The following NALF1 variants were observed in gnomAD, a reference collection of about 807,000 sequenced individuals.
The protein encoded by NALF1 is family with sequence similarity 155 member A.
A neutral mutation model predicts 48.4 loss-of-function variants in NALF1; 3 were observed. The ratio of observed to expected loss-of-function variants is 0.06; its 90% CI spans 0.03 to 0.16. The LOEUF (loss-of-function observed/expected upper bound fraction) is 0.16. Ranked by LOEUF, NALF1 falls within the 10% of genes least tolerant of loss-of-function variation. The pLI, the probability that NALF1 is intolerant of heterozygous loss-of-function variation, is 1.00. For synonymous variants in NALF1, 262 were observed against 245.7 expected (o/e 1.07, Z -0.62); for missense variants, 526 against 571.5 (o/e 0.92, Z 0.81).
At chr13:107,527,051 T>C (rs1019072295) in intron 1 of NALF1, among the ~76,000 whole-genome samples, 3 of 152,174 alleles carry the variant, frequency 2.0e-5, no homozygotes, top group Admixed American at 6.6e-5. Flanking sequence ...CCCCAATGTT[T>C]GCAATGTGTC....
chr13:107,352,454 C>T (rs1882894526), intron 1 of NALF1, among the ~76,000 whole-genome samples: 1 of 152,148 alleles, frequency 6.6e-6, no homozygotes, highest in African/African-American at 2.4e-5. Flanking sequence ...AAATCACAAA[C>T]ACCATTTCTC....
chr13:107,556,296 T>TATAC lies in NALF1; in HGVS notation c.915+309385_915+309386insGTAT, dbSNP rs1181358439. Among the ~76,000 whole-genome samples the TATAC allele has an allele frequency of 4.6e-4, 45 of 98,558 alleles. No homozygotes were observed. The South Asian group carries it at 4.6e-3, about 10-fold the overall frequency. The allele number at this position is 98,558 out of a possible 152,430, so 64.7% of individuals were successfully genotyped here. ...ACATATATATATATATATATATATA[T>TATAC]ACACACACACACACACACACACATA... is the stretch of plus-strand genomic sequence containing the variant. On this transcript the variant is annotated intron_variant, in intron 1 of 2. Coordinates refer to ENST00000375915, the MANE Select transcript of NALF1 (RefSeq NM_001080396.3).
At position 107,792,244 on chromosome 13, in the gene NALF1, A is replaced by T. The variant is rs1302213017; in HGVS notation, c.915+73438T>A. Among the ~76,000 whole-genome samples the T allele has an allele frequency of 3.3e-5, 5 of 152,332 alleles. No homozygotes were observed. In the East Asian group the frequency reaches 9.7e-4, roughly 29 times the overall value. Reference sequence around the variant, plus strand: ...AAAACTTTGTAACCTATCATGATGCATATTTTTAAAATCTTTACAAACGTA... The same window carrying T: ...AAAACTTTGTAACCTATCATGATGCTTATTTTTAAAATCTTTACAAACGTA... On this transcript the variant is annotated intron_variant, in intron 1 of 2. Transcript: ENST00000375915.
chr13:107,338,553 T>C (rs905599807), intron 1 of NALF1, among the ~76,000 whole-genome samples: 1 of 152,184 alleles, frequency 6.6e-6, no homozygotes, highest in Non-Finnish European at 1.5e-5. Flanking sequence ...TGACCATCGA[T>C]TGATATAACC....
chr13:107,335,505 A>G (rs1882539383), intron 1 of NALF1, among the ~76,000 whole-genome samples: 1 of 152,242 alleles, frequency 6.6e-6, no homozygotes, highest in Non-Finnish European at 1.5e-5. Flanking sequence ...TCTTTCATCT[A>G]AAATTGAACA....
intron 1 of NALF1, among the ~76,000 whole-genome samples, chr13:107,761,249 C>T (rs1264842519): frequency 2.6e-5 from 4 of 151,962 alleles, no homozygotes; most frequent in Middle Eastern, 3.4e-3. Context: ...TCCAGCTACT[C>T]GGGAGGCTGA....
chr13:107,736,075 A>T (rs1432001477), intron 1 of NALF1, among the ~76,000 whole-genome samples: 1 of 152,114 alleles, frequency 6.6e-6, no homozygotes, highest in Non-Finnish European at 1.5e-5. Flanking sequence ...CGCTGACTGG[A>T]TCAAAGTTAT....
At chr13:107,237,208 A>T (rs1053978421) in intron 1 of NALF1, among the ~76,000 whole-genome samples, 2 of 152,154 alleles carry the variant, frequency 1.3e-5, no homozygotes, top group Non-Finnish European at 2.9e-5. Context: ...AAATTACTGA[A>T]CTAGAAATAT....
intron 1 of NALF1, among the ~76,000 whole-genome samples, chr13:107,490,896 A>C (rs1287320480): frequency 6.6e-6 from 1 of 152,186 alleles, no homozygotes; most frequent in African/African-American, 2.4e-5. Context: ...CAAAGACAAG[A>C]CACTAAACCT....
chr13:107,720,374 G>A (rs552748160), intron 1 of NALF1, among the ~76,000 whole-genome samples: 21 of 152,146 alleles, frequency 1.4e-4, no homozygotes, highest in Middle Eastern at 6.8e-3. Flanking sequence ...AGCCAGGCGC[G>A]GTGGCGCACA....
intron 1 of NALF1, among the ~76,000 whole-genome samples, chr13:107,827,017 C>T (rs540945364): frequency 3.3e-5 from 5 of 152,164 alleles, no homozygotes; most frequent in Non-Finnish European, 5.9e-5. Context: ...AGCATGCCTT[C>T]GACTACTGGT....
At chr13:107,255,906 T>C (rs1230942740) in intron 1 of NALF1, among the ~76,000 whole-genome samples, 7 of 152,086 alleles carry the variant, frequency 4.6e-5, no homozygotes, top group Non-Finnish European at 2.9e-5. Flanking sequence ...ACACATTTAT[T>C]GGTTATCTAA....
chr13:107,835,190 G>A (rs756700571), intron 1 of NALF1, among the ~76,000 whole-genome samples: 5 of 152,190 alleles, frequency 3.3e-5, no homozygotes, highest in Non-Finnish European at 7.4e-5. Flanking sequence ...TAAAAACAGA[G>A]GTACCAGGAG....
At chr13:107,741,531 T>C (rs943296381) in intron 1 of NALF1, among the ~76,000 whole-genome samples, 3 of 79,352 alleles carry the variant, frequency 3.8e-5, no homozygotes, top group Non-Finnish European at 8.2e-5. Context: ...TATTTAACAC[T>C]GAGAAAATGA....
In NALF1 at chr13:107,166,561, A is replaced by G. The variant is rs915228930; in HGVS notation, c.*3936T>C. ...TTGTAAATGTCTTTGTTACTGAGAAAGAATGTAAATCATGCTTCAGACTGG... is the reference window on the plus strand; with the variant it reads ...TTGTAAATGTCTTTGTTACTGAGAAGGAATGTAAATCATGCTTCAGACTGG... On this transcript the variant is annotated 3_prime_UTR_variant, in exon 3 of 3. Transcript: ENST00000375915. The G allele has an allele frequency of 6.6e-6, 1 of 152,230 alleles. No individual in the cohort carries two copies. Among genetic ancestry groups the G allele is most frequent in the Non-Finnish European group, 1.5e-5 (1 of 68,034 alleles). The allele number at this position is 152,230 out of a possible 1,614,324, so 9.4% of individuals were successfully genotyped here.
intron 1 of NALF1, among the ~76,000 whole-genome samples, chr13:107,627,705 G>A (rs1245900767): frequency 1.3e-5 from 2 of 152,018 alleles, no homozygotes; most frequent in East Asian, 3.9e-4. Flanking sequence ...CTGCAGTGGT[G>A]GGCTCTATTT....
intron 1 of NALF1, among the ~76,000 whole-genome samples, chr13:107,400,820 T>C (rs1233097965): frequency 6.6e-6 from 1 of 152,198 alleles, no homozygotes; most frequent in Admixed American, 6.5e-5. Flanking sequence ...CTAAAGTCTT[T>C]TGTAATGACA....
chr13:107,641,834 C>T (rs1450276480), intron 1 of NALF1, among the ~76,000 whole-genome samples: 1 of 152,162 alleles, frequency 6.6e-6, no homozygotes, highest in African/African-American at 2.4e-5. Context: ...CAGGTTTCAA[C>T]ACCACATGGT....
At chr13:107,613,520 AAAGTAT>A (rs760893312) in intron 1 of NALF1, among the ~76,000 whole-genome samples, 2 of 152,236 alleles carry the variant, frequency 1.3e-5, no homozygotes, top group Non-Finnish European at 2.9e-5. Context: ...GATTGAAATT[AAAGTAT>A]AAGTTTTATA....
Sources: allele counts gnomAD v4.1 joint callset (sites outside exome capture counted in the v4.1 genomes callset), GRCh38; gene constraint gnomAD v4.1.1; transcripts MANE v1.5; gene names NCBI Gene and HGNC (gene_info 2026-07-23, HGNC 2026-07-21).